Variants in DENND4A observed in about 807,000 individuals in gnomAD.
DENND4A encodes the protein DENN domain containing 4A.
A neutral mutation model predicts 199.3 loss-of-function variants in DENND4A; 70 were observed. The ratio of observed to expected loss-of-function variants is 0.35; its 90% confidence interval spans 0.29 to 0.43. DENND4A has a LOEUF of 0.43. DENND4A is among the 20% of genes least tolerant of loss of function. The pLI is 1.00. For synonymous variants in DENND4A, 686 were observed against 766.9 expected, an observed-to-expected ratio of 0.89 and a Z score of 1.74; for missense variants, 1,723 against 2,255.8, an observed-to-expected ratio of 0.76 and a Z score of 4.78.
chr15:65,765,158 G>A (rs1351836639), intron 1 of DENND4A, among the ~76,000 whole-genome samples: 1 of 152,058 alleles, frequency 6.6e-6, no homozygotes, highest in African/African-American at 2.4e-5. Context: ...AGAAGATGAG[G>A]CTGACACAAA....
At chr15:65,742,439 A>G (rs2076283603) in intron 4 of DENND4A, among the ~76,000 whole-genome samples, 1 of 148,162 alleles carries the variant, frequency 6.7e-6, no homozygotes, top group East Asian at 1.9e-4. Flanking sequence ...ACGTGCCACC[A>G]TGACTGGCTG....
At chr15:65,707,663 GACT>G (rs1433529241) in intron 14 of DENND4A, among the ~76,000 whole-genome samples, 1 of 151,638 alleles carries the variant, frequency 6.6e-6, no homozygotes, top group African/African-American at 2.4e-5. Flanking sequence ...AAAAGAATCA[GACT>G]ACTAAATCGT....
At chr15:65,706,499 T>C (rs1484446006) in intron 14 of DENND4A, among the ~76,000 whole-genome samples, 103 of 121,058 alleles carry the variant, frequency 8.5e-4, no homozygotes, top group South Asian at 3.7e-3. Context: ...CACACACATA[T>C]ATATATATAT....
chr15:65,715,728 C>T, intron 13 of DENND4A, 105 bp from the exon 14 acceptor site: 1 of 1,061,408 alleles, frequency 9.4e-7, no homozygotes, highest in Non-Finnish European at 1.3e-6. Flanking sequence ...CTATACCTCC[C>T]ACACCACTAC....
chr15:65,718,727 C>A (rs555035419), intron 12 of DENND4A, among the ~76,000 whole-genome samples: 1 of 150,126 alleles, frequency 6.7e-6, no homozygotes, highest in Non-Finnish European at 1.5e-5. Flanking sequence ...AAACTGCCCC[C>A]CTTTCCCTCA....
Position 65,715,603 on chromosome 15 carries a change from G to A in DENND4A, c.1828C>T (p.Arg610Trp), listed in dbSNP as rs1276756790. The stretch of plus-strand genomic sequence containing the variant: ...ATGTTATAGAATTTTTGATGTGACC[G>A]GTCCCGGCTTCTTAAGAAAGCTGTT... ...ALQAFLRSRD[R>W]SHQKFYNMMT... is the part of the protein sequence containing the mutation. Residue 610 changes from arginine (R) to tryptophan (W), a missense_variant, in exon 14 of 33, where the codon CGG becomes TGG. Arg to Trp is a moderately radical substitution (Grantham distance 101). This residue lies in a region of DENND4A where 725 missense variants were observed against 952.9 expected (regional missense o/e 0.76). Coordinates refer to ENST00000443035, the MANE Select transcript of DENND4A (RefSeq NM_001320835.1). The A allele has an allele frequency of 6.4e-6, 10 of 1,566,772 alleles. No homozygotes were observed. Among genetic ancestry groups the A allele is most frequent in the South Asian group, 2.4e-5 (2 of 84,098 alleles).
At chr15:65,721,347 TGTTTTTA>T (rs925912685) in intron 12 of DENND4A, among the ~76,000 whole-genome samples, 79 of 152,192 alleles carry the variant, frequency 5.2e-4, no homozygotes, top group Middle Eastern at 3.4e-3. Context: ...TTGTAAATAC[TGTTTTTA>T]TCCATGTCTA....
At chr15:65,787,547 C>T (rs953503373) in intron 1 of DENND4A, among the ~76,000 whole-genome samples, 3 of 152,112 alleles carry the variant, frequency 2.0e-5, no homozygotes, top group African/African-American at 7.2e-5. Context: ...AAAATAATAA[C>T]GGCCATAGAT....
intron 11 of DENND4A, among the ~76,000 whole-genome samples, chr15:65,723,986 G>A (rs1198232644): frequency 6.6e-6 from 1 of 152,046 alleles, no homozygotes; most frequent in Non-Finnish European, 1.5e-5. Context: ...ACATGGGGTA[G>A]GAGTAGAAAA....
At chr15:65,761,857 A>G (rs2076858005) in intron 1 of DENND4A, among the ~76,000 whole-genome samples, 1 of 152,162 alleles carries the variant, frequency 6.6e-6, no homozygotes, top group East Asian at 1.9e-4. Flanking sequence ...TATAGACTCA[A>G]GTAACTTCCA....
At chr15:65,669,004 A>T (rs926964741) in intron 27 of DENND4A, among the ~76,000 whole-genome samples, 1 of 152,206 alleles carries the variant, frequency 6.6e-6, no homozygotes, top group African/African-American at 2.4e-5. Context: ...GTAGACTTCT[A>T]TATAGCAGAA....
Position 65,756,269 on chromosome 15 carries a change from T to C in DENND4A, c.182A>G (p.Gln61Arg), listed in dbSNP as rs751276006. The change falls in exon 3 of 33, where the codon CAG (glutamine) becomes CGG (arginine). Residue 61 changes from glutamine (Q) to arginine (R), a missense_variant. By Grantham distance (43) the Gln-to-Arg change is conservative (BLOSUM62 1). This residue lies in a region of DENND4A where 725 missense variants were observed against 952.9 expected (regional missense o/e 0.76). Coordinates refer to ENST00000443035, the MANE Select transcript of DENND4A (RefSeq NM_001320835.1). ...IIKSLGEEVP[Q>R]DYICIDVTPT... ...GGTAACATCAATACAGATATAATCC[T>C]GTGGGACTTCCTCCCCAAGAGATTT... The C allele has an allele frequency of 9.3e-6, 15 of 1,613,264 alleles. No individual in the cohort carries two copies. The highest frequency in any genetic ancestry group is 1.7e-4 in the Middle Eastern group (1 of 6,058).
At chr15:65,766,802 A>G (rs555135372) in intron 1 of DENND4A, 17 of 152,382 alleles carry the variant, frequency 1.1e-4, no homozygotes, top group African/African-American at 1.9e-4. Flanking sequence ...ACCGAAAATA[A>G]GTGGACAACA....
chr15:65,720,821 T>A (rs940285015), intron 12 of DENND4A, among the ~76,000 whole-genome samples: 1 of 151,416 alleles, frequency 6.6e-6, no homozygotes, highest in African/African-American at 2.4e-5. Flanking sequence ...CGTAAAAGAA[T>A]GTATGTGAAT....
intron 25 of DENND4A, among the ~76,000 whole-genome samples, chr15:65,670,699 T>C (rs2076189125): frequency 6.6e-6 from 1 of 152,170 alleles, no homozygotes; most frequent in African/African-American, 2.4e-5. Flanking sequence ...GATTAGAAAT[T>C]AAACAAACAA....
chr15:65,676,141 A>AAAAAATATATATATATATATAT (rs1362535499), intron 24 of DENND4A, among the ~76,000 whole-genome samples: 3 of 110,460 alleles, frequency 2.7e-5, no homozygotes, highest in South Asian at 7.0e-4. Context: ...AATAAGGAAA[A>AAAAAATATATATATATATATAT]ATATATATAT....
chr15:65,760,646 T>C (rs547296238), intron 2 of DENND4A, among the ~76,000 whole-genome samples: 2 of 152,190 alleles, frequency 1.3e-5, no homozygotes, highest in Admixed American at 6.5e-5. Flanking sequence ...CCCAGCACTT[T>C]TGGAGGCCGA....
At chr15:65,670,975 A>G (rs2076198426) in intron 25 of DENND4A, among the ~76,000 whole-genome samples, 1 of 152,216 alleles carries the variant, frequency 6.6e-6, no homozygotes, top group South Asian at 2.1e-4. Context: ...TTAAAGTGAA[A>G]AAGTATAACT....
At chr15:65,671,061 A>T (rs1049466848) in intron 25 of DENND4A, among the ~76,000 whole-genome samples, 21 of 152,194 alleles carry the variant, frequency 1.4e-4, no homozygotes, top group African/African-American at 4.8e-4. Flanking sequence ...AGAATGAAAA[A>T]CATGGTGGAA....
Sources: allele counts gnomAD v4.1 joint callset (sites outside exome capture counted in the v4.1 genomes callset), GRCh38; gene constraint gnomAD v4.1.1; regional missense constraint gnomAD v4.1.1; transcripts MANE v1.5; gene names NCBI Gene and HGNC (gene_info 2026-07-23, HGNC 2026-07-21).